Variants in NME7 observed in about 807,000 individuals in gnomAD.
NME7 encodes the protein nucleoside diphosphate kinase 7.
Under a neutral mutation model 49.1 loss-of-function variants are expected in NME7, and 41 were observed. That is an observed-to-expected ratio of 0.83 (90% confidence interval 0.65 to 1.08). The LOEUF is 1.08. Ranked by LOEUF, NME7 falls within the 50% of genes least tolerant of loss-of-function variation. The probability of loss-of-function intolerance (pLI) is 0.00; values close to 1 mark genes in which losing one functional copy is unlikely to be tolerated. For synonymous variants in NME7, 139 were observed against 150.6 expected, an observed-to-expected ratio of 0.92 and a Z score of 0.56; for missense variants, 423 against 463.4, an observed-to-expected ratio of 0.91 and a Z score of 0.80.
At chr1:169,344,270 A>C (rs766275585) in intron 1 of NME7, among the ~76,000 whole-genome samples, 2 of 152,218 alleles carry the variant, frequency 1.3e-5, no homozygotes, top group African/African-American at 2.4e-5. Context: ...TGAACACATT[A>C]GTTGTAGTAA....
chr1:169,298,334 T>TAAC (rs1473616425), intron 6 of NME7, among the ~76,000 whole-genome samples: 4 of 152,084 alleles, frequency 2.6e-5, no homozygotes, highest in African/African-American at 9.7e-5. Context: ...TGAGAAGTGT[T>TAAC]TTAATTGGAG....
At chr1:169,279,510 T>C (rs1187266566) in intron 7 of NME7, among the ~76,000 whole-genome samples, 1 of 152,234 alleles carries the variant, frequency 6.6e-6, no homozygotes, top group Non-Finnish European at 1.5e-5. Flanking sequence ...GGATATGACC[T>C]TCTGGTGCGC....
intron 10 of NME7, among the ~76,000 whole-genome samples, chr1:169,216,461 G>C (rs1225129158): frequency 6.6e-6 from 1 of 152,222 alleles, no homozygotes; most frequent in Non-Finnish European, 1.5e-5. Flanking sequence ...TGCACCCAGA[G>C]ACAGCATGGA....
chr1:169,345,594 C>T (rs1172271531), intron 1 of NME7, among the ~76,000 whole-genome samples: 1 of 152,044 alleles, frequency 6.6e-6, no homozygotes, highest in Admixed American at 6.6e-5. Flanking sequence ...TCTTCTATTC[C>T]AGTACAGGCA....
chr1:169,195,422 C>A (rs1268510486), intron 10 of NME7, among the ~76,000 whole-genome samples: 1 of 151,908 alleles, frequency 6.6e-6, no homozygotes, highest in Non-Finnish European at 1.5e-5. Context: ...TTATTTTTCC[C>A]AGCTGGTTTT....
intron 11 of NME7, among the ~76,000 whole-genome samples, chr1:169,146,373 T>C (rs1391230843): frequency 1.3e-5 from 2 of 152,196 alleles, no homozygotes; most frequent in Non-Finnish European, 2.9e-5. Context: ...TCTGTATAAA[T>C]TAAGCAAAAA....
chr1:169,282,986 A>T (rs1289854087), intron 7 of NME7, among the ~76,000 whole-genome samples: 4 of 152,080 alleles, frequency 2.6e-5, no homozygotes, highest in Non-Finnish European at 5.9e-5. Context: ...GCTGAGTTCA[A>T]GTCCTGAATA....
At chr1:169,333,387 A>C (rs1283210392) in intron 1 of NME7, among the ~76,000 whole-genome samples, 1 of 152,186 alleles carries the variant, frequency 6.6e-6, no homozygotes, top group Non-Finnish European at 1.5e-5. Flanking sequence ...AGAATGACTA[A>C]GACCTAATAT....
chr1:169,174,604 A>G (rs540316839), intron 10 of NME7, among the ~76,000 whole-genome samples: 1 of 152,332 alleles, frequency 6.6e-6, no homozygotes, highest in African/African-American at 2.4e-5. Flanking sequence ...GATATAGCCT[A>G]CTACACATCT....
chr1:169,352,029 C>T (rs888798084), intron 1 of NME7, among the ~76,000 whole-genome samples: 1 of 151,662 alleles, frequency 6.6e-6, no homozygotes, highest in Non-Finnish European at 1.5e-5. Context: ...TCAAACTATT[C>T]CAAAAAATAG....
chr1:169,352,536 C>T (rs780282629), intron 1 of NME7, among the ~76,000 whole-genome samples: 6 of 152,094 alleles, frequency 3.9e-5, no homozygotes, highest in Non-Finnish European at 7.4e-5. Flanking sequence ...AGGTTATACA[C>T]TTTCACCACT....
At chr1:169,237,573 T>G in intron 8 of NME7, 50 bp downstream of exon 8, 1 of 1,388,626 alleles carries the variant, frequency 7.2e-7, no homozygotes. Flanking sequence ...TTTATAACTA[T>G]TTTTGAAAAA....
intron 3 of NME7, among the ~76,000 whole-genome samples, chr1:169,320,010 A>G (rs1651794244): frequency 6.6e-6 from 1 of 152,192 alleles, no homozygotes; most frequent in Non-Finnish European, 1.5e-5. Context: ...CACTTATCAC[A>G]TGGGGAATAG....
intron 10 of NME7, among the ~76,000 whole-genome samples, chr1:169,210,103 C>T (rs1218096601): frequency 6.6e-6 from 1 of 152,086 alleles, no homozygotes; most frequent in Admixed American, 6.6e-5. Flanking sequence ...ATACCCAACA[C>T]CCACAGTGTA....
At chr1:169,260,226 C>G (rs1649118285) in intron 7 of NME7, among the ~76,000 whole-genome samples, 1 of 132,950 alleles carries the variant, frequency 7.5e-6, no homozygotes, top group Admixed American at 7.4e-5. Flanking sequence ...TTTATTAATC[C>G]ATTCAAAAAT....
At chr1:169,346,169 C>CA (rs1178045229) in intron 1 of NME7, among the ~76,000 whole-genome samples, 1 of 152,040 alleles carries the variant, frequency 6.6e-6, no homozygotes, top group Admixed American at 6.6e-5. Flanking sequence ...CAGCTTCTCT[C>CA]AAAAAAATAC....
In NME7 at chr1:169,324,326, T is replaced by C. The variant is rs757304573; in HGVS notation, c.111+67A>G. The C allele has an allele frequency of 2.1e-4, 194 of 938,964 alleles. No homozygotes were observed. Among genetic ancestry groups the C allele is most frequent in the Non-Finnish European group, 3.1e-4 (180 of 585,630 alleles). 58.2% of individuals were successfully genotyped at this position (938,964 alleles called of 1,614,324 possible). Reference sequence around the variant, plus strand: ...TAAATGTGTTTTTAAAAAGCAATTATATAAAAGGCAATGGTTCCCATGTTC... The same window carrying C: ...TAAATGTGTTTTTAAAAAGCAATTACATAAAAGGCAATGGTTCCCATGTTC... On this transcript the variant is annotated intron_variant, in intron 2 of 11. Coordinates refer to ENST00000367811, the MANE Select transcript of NME7 (RefSeq NM_013330.5).
intron 1 of NME7, among the ~76,000 whole-genome samples, chr1:169,339,018 T>C (rs1652583592): frequency 6.6e-6 from 1 of 152,192 alleles, no homozygotes; most frequent in South Asian, 2.1e-4. Flanking sequence ...CATTTATTTC[T>C]CTTGAAACTT....
intron 1 of NME7, among the ~76,000 whole-genome samples, chr1:169,357,311 A>G (rs1653501626): frequency 6.6e-6 from 1 of 152,024 alleles, no homozygotes; most frequent in Non-Finnish European, 1.5e-5. Flanking sequence ...TGTATCTCAT[A>G]TATATAGCAT....
Sources: allele counts gnomAD v4.1 joint callset (sites outside exome capture counted in the v4.1 genomes callset), GRCh38; gene constraint gnomAD v4.1.1; transcripts MANE v1.5; gene names NCBI Gene and HGNC (gene_info 2026-07-23, HGNC 2026-07-21).